The following TBC1D15 variants were observed in gnomAD, a reference collection of about 807,000 sequenced individuals.
TBC1D15 encodes the protein GAP for RAB7.
A neutral mutation model predicts 95.4 loss-of-function variants in TBC1D15; 39 were observed. That is an observed-to-expected ratio of 0.41 (90% CI 0.32 to 0.53). The LOEUF is 0.53. Ranked by LOEUF, TBC1D15 falls within the 20% of genes least tolerant of loss-of-function variation. The probability of loss-of-function intolerance (pLI) is 0.29; values close to 1 mark genes in which losing one functional copy is unlikely to be tolerated. For synonymous variants in TBC1D15, 258 were observed against 261.3 expected, an observed-to-expected ratio of 0.99 and a Z score of 0.12; for missense variants, 733 against 794.3, an observed-to-expected ratio of 0.92 and a Z score of 0.93.
At chr12:71,874,182 C>T (rs748852287) in intron 3 of TBC1D15, among the ~76,000 whole-genome samples, 100 of 152,246 alleles carry the variant, frequency 6.6e-4, no homozygotes, top group Non-Finnish European at 1.2e-3. Context: ...TGGCAAACAC[C>T]GCAATTACTT....
chr12:71,841,583 A>G (rs1344407094), intron 1 of TBC1D15, among the ~76,000 whole-genome samples: 1 of 152,194 alleles, frequency 6.6e-6, no homozygotes. Context: ...ATTCATTCCT[A>G]TAACACTCTC....
intron 1 of TBC1D15, among the ~76,000 whole-genome samples, chr12:71,854,012 TCTC>T (rs1467325839): frequency 6.6e-6 from 1 of 152,204 alleles, no homozygotes; most frequent in Non-Finnish European, 1.5e-5. Flanking sequence ...TGTGTGTTCT[TCTC>T]TTTTCTCTGG....
chr12:71,900,303 A>G (rs892120210), intron 10 of TBC1D15, among the ~76,000 whole-genome samples: 2 of 152,130 alleles, frequency 1.3e-5, no homozygotes, highest in Non-Finnish European at 2.9e-5. Flanking sequence ...CACCTAGTGG[A>G]AAAAGAGACA....
intron 3 of TBC1D15, among the ~76,000 whole-genome samples, chr12:71,874,541 G>C (rs1893368630): frequency 6.6e-6 from 1 of 151,924 alleles, no homozygotes; most frequent in Admixed American, 6.6e-5. Context: ...CAGAACCCAT[G>C]GCTATGGAGG....
rs561397052 is a variant in TBC1D15 at position 71,868,032 on chromosome 12, T to A, written c.31-4038T>A. Among the ~76,000 whole-genome samples the A allele has an allele frequency of 7.9e-5, 12 of 152,278 alleles. No individual in the cohort carries two copies. The South Asian group carries it at 1.9e-3, about 24-fold the overall frequency. On this transcript the variant is annotated intron_variant, in intron 1 of 16. Transcript: ENST00000485960. ...TTAGTAGCTATTACAAATTAATAAATTTATTAATTTTATTTGCCATTTCTG... is the reference window on the plus strand; with the variant it reads ...TTAGTAGCTATTACAAATTAATAAAATTATTAATTTTATTTGCCATTTCTG...
At chr12:71,916,544 T>G (rs963710338) in intron 12 of TBC1D15, among the ~76,000 whole-genome samples, 4 of 151,988 alleles carry the variant, frequency 2.6e-5, no homozygotes, top group African/African-American at 9.7e-5. Context: ...AGACTTAAAT[T>G]TTTTTTAAGA....
intron 1 of TBC1D15, among the ~76,000 whole-genome samples, chr12:71,858,867 G>T (rs528186682): frequency 9.9e-5 from 15 of 151,816 alleles, no homozygotes. Context: ...ACTGTTTTTA[G>T]TTTTTTGAGG....
intron 2 of TBC1D15, 37 bp from the exon 3 acceptor site, chr12:71,872,892 C>G (rs966508150): frequency 7.0e-7 from 1 of 1,435,982 alleles, no homozygotes; most frequent in Non-Finnish European, 9.6e-7. Context: ...TAACATATTG[C>G]TGAATATTAA....
rs962609482 is a variant in TBC1D15, at chr12:71,849,305, G to T, written c.30+9494G>T. ...TGTTCCACGCTTCTATCTGCCAGAA[G>T]AATCTTTTTAGGTAAGGAGGCTATC... is the stretch of plus-strand genomic sequence containing the variant. On this transcript the variant is annotated intron_variant, in intron 1 of 16. Coordinates refer to ENST00000485960, the MANE Select transcript of TBC1D15 (RefSeq NM_001146213.3). 11 of 1,006,504 alleles carry T rather than the reference G, an allele frequency of 1.1e-5. No homozygotes were observed. In the South Asian group the frequency reaches 1.3e-4, roughly 12 times the overall value. 62.3% of individuals were successfully genotyped at this position (1,006,504 alleles called of 1,614,324 possible). A position where few individuals can be genotyped will look rare whatever the true frequency, so the allele number is the denominator to read the frequency against.
intron 12 of TBC1D15, among the ~76,000 whole-genome samples, chr12:71,917,379 A>C (rs1903960286): frequency 1.3e-5 from 2 of 152,220 alleles, no homozygotes; most frequent in South Asian, 4.1e-4. Context: ...TATTTCCCAA[A>C]TGTGTGTTTC....
At chr12:71,904,891 A>C (rs936371917) in intron 10 of TBC1D15, among the ~76,000 whole-genome samples, 2 of 152,222 alleles carry the variant, frequency 1.3e-5, no homozygotes, top group African/African-American at 4.8e-5. Context: ...CAGGATTGCC[A>C]AACAGCATTC....
intron 15 of TBC1D15, 69 bp from the exon 16 acceptor site, chr12:71,921,299 T>A: frequency 1.3e-6 from 1 of 776,336 alleles, no homozygotes; most frequent in Non-Finnish European, 1.9e-6. Context: ...TGGTAATAAA[T>A]TGTTTATATA....
At chr12:71,913,799 A>G (rs1205282047) in intron 11 of TBC1D15, 27 bp from the exon 12 acceptor site, 7 of 1,524,644 alleles carry the variant, frequency 4.6e-6, no homozygotes, top group South Asian at 1.2e-5. Context: ...TTGGGTTTTC[A>G]GAGATGATTT....
intron 1 of TBC1D15, 103 bp from the exon 2 acceptor site, chr12:71,871,967 G>T: frequency 4.4e-6 from 2 of 454,120 alleles, no homozygotes; most frequent in Non-Finnish European, 7.7e-6. Flanking sequence ...GAAATAATCA[G>T]AAACTTGGCC....
chr12:71,841,056 C>T (rs1490823629), intron 1 of TBC1D15: 1 of 151,852 alleles, frequency 6.6e-6, no homozygotes, highest in African/African-American at 2.4e-5. Flanking sequence ...TTGGATTATT[C>T]GTGCTCCTTG....
At chr12:71,846,768 T>TC (rs1886382222) in intron 1 of TBC1D15, among the ~76,000 whole-genome samples, 1 of 149,984 alleles carries the variant, frequency 6.7e-6, no homozygotes, top group Non-Finnish European at 1.5e-5. Context: ...TTTTTTTTTT[T>TC]TTTTTTGCCC....
At chr12:71,904,613 A>G (rs1397969972) in intron 10 of TBC1D15, among the ~76,000 whole-genome samples, 1 of 152,162 alleles carries the variant, frequency 6.6e-6, no homozygotes, top group African/African-American at 2.4e-5. Context: ...GATGGTTCTC[A>G]TGCACAAGAG....
chr12:71,889,514 G>C (rs1896851234), intron 5 of TBC1D15, among the ~76,000 whole-genome samples: 1 of 152,110 alleles, frequency 6.6e-6, no homozygotes, highest in African/African-American at 2.4e-5. Context: ...AGATTTTATA[G>C]ACTCCAAGTA....
chr12:71,914,582 T>G (rs1374287652), intron 12 of TBC1D15, among the ~76,000 whole-genome samples: 1 of 151,778 alleles, frequency 6.6e-6, no homozygotes, highest in African/African-American at 2.4e-5. Flanking sequence ...CTCAGAAAAA[T>G]AAAAGCAGAA....
Sources: gnomAD v4.1 joint callset for allele counts (sites outside exome capture counted in the v4.1 genomes callset) on GRCh38, gnomAD v4.1.1 for gene constraint, MANE v1.5 for transcripts, NCBI Gene and HGNC (gene_info 2026-07-23, HGNC 2026-07-21) for gene names.